Variants in DNAH9 observed in about 807,000 individuals in gnomAD.
DNAH9 encodes the protein DNAH9 variant protein.
DNAH9 carries 345 observed loss-of-function variants against 471.6 expected under a neutral mutation model. That is an observed-to-expected ratio of 0.73 (90% CI 0.67 to 0.80). The LOEUF (loss-of-function observed/expected upper bound fraction) is 0.80, where lower values mean the gene tolerates loss of function less well. Ranked by LOEUF, DNAH9 falls within the 30% of genes least tolerant of loss-of-function variation. The pLI, the probability that DNAH9 is intolerant of heterozygous loss-of-function variation, is 0.00. For synonymous variants in DNAH9, 2,093 were observed against 2,123.6 expected (o/e 0.99, Z 0.40); for missense variants, 5,407 against 5,609.2 (o/e 0.96, Z 1.15).
At chr17:11,771,060 G>A (rs1221604423) in intron 38 of DNAH9, among the ~76,000 whole-genome samples, 1 of 152,114 alleles carries the variant, frequency 6.6e-6, no homozygotes, top group Non-Finnish European at 1.5e-5. Flanking sequence ...AAAATGTGAT[G>A]AGTTTTGAAT....
chr17:11,929,184 A>G (rs1202810518), intron 62 of DNAH9, among the ~76,000 whole-genome samples: 3 of 151,800 alleles, frequency 2.0e-5, no homozygotes, highest in African/African-American at 4.8e-5. Flanking sequence ...ACAGGCGCCC[A>G]CCACCATGCC....
At chr17:11,716,800 A>G (rs183593154) in intron 26 of DNAH9, among the ~76,000 whole-genome samples, 171 of 152,280 alleles carry the variant, frequency 1.1e-3, no homozygotes, top group African/African-American at 3.8e-3. Context: ...AAAGGCAATG[A>G]GAGGGAAGGA....
At chr17:11,605,782 G>A (rs377250083) in intron 1 of DNAH9, among the ~76,000 whole-genome samples, 4 of 151,694 alleles carry the variant, frequency 2.6e-5, no homozygotes, top group African/African-American at 4.8e-5. Context: ...GGATACAGGC[G>A]TGAGCCACCG....
In DNAH9 at chr17:11,962,219, A is replaced by G. The variant is rs776695881; in HGVS notation, c.13196A>G (p.His4399Arg). The G allele has an allele frequency of 7.4e-6, 12 of 1,612,928 alleles. No homozygotes were observed. Among genetic ancestry groups the G allele is most frequent in the Admixed American group, 3.3e-5 (2 of 59,900 alleles). ...CCTCCTCGGGAAGGGGCCTACATCC[A>G]TGGCCTCTTCATGGAAGGTGCCTGC... ...RSPPREGAYI[H>R]GLFMEGACWD... is the part of the protein sequence containing the mutation. Residue 4399 changes from histidine to arginine, a missense_variant, in exon 68 of 69, where the codon CAT becomes CGT. Physicochemically the swap from His to Arg is conservative, Grantham distance 29. Coordinates refer to ENST00000262442, the MANE Select transcript of DNAH9 (RefSeq NM_001372.4). This position sits in a 1 kb window ranked among gnomAD's most constrained non-coding sequence, Gnocchi z 4.1.
chr17:11,705,283 C>A, intron 26 of DNAH9, 98 bp downstream of exon 26: 1 of 1,079,008 alleles, frequency 9.3e-7, no homozygotes, highest in South Asian at 1.4e-5. Flanking sequence ...TGCTATTTGT[C>A]CATAGAGCTA....
intron 10 of DNAH9, among the ~76,000 whole-genome samples, chr17:11,643,868 T>G (rs958328338): frequency 1.3e-5 from 2 of 152,226 alleles, no homozygotes; most frequent in African/African-American, 4.8e-5. Context: ...ATTGTAGCAC[T>G]ATACTAAGTG....
chr17:11,645,910 T>C (rs2073377436), intron 11 of DNAH9, among the ~76,000 whole-genome samples: 1 of 147,172 alleles, frequency 6.8e-6, no homozygotes, highest in African/African-American at 2.6e-5. Context: ...GACGGAGTCT[T>C]GCTCTGTCGC....
rs1968867981 is a variant in DNAH9, at chr17:11,786,337, TC to T, written c.8061+1799del. Among the ~76,000 whole-genome samples, 3 of 151,880 alleles carry T rather than the reference TC, an allele frequency of 2.0e-5. No homozygotes were observed. In the South Asian group the frequency reaches 6.2e-4, roughly 32 times the overall value. ...AGCTAGTCAATGACAGCGCCAATGG[TC>T]AGGGAGGTTAAAAAAAAAATTCTCG... On this transcript the variant is annotated intron_variant, in intron 41 of 68. Transcript: ENST00000262442.
chr17:11,809,920 C>T (rs931595215), intron 44 of DNAH9, among the ~76,000 whole-genome samples: 17 of 152,048 alleles, frequency 1.1e-4, no homozygotes, highest in Admixed American at 1.3e-4. Flanking sequence ...CCTCTTTGCA[C>T]AAAGCAGGAG....
chr17:11,834,588 C>A, intron 48 of DNAH9, 50 bp from the exon 49 acceptor site: 1 of 1,604,902 alleles, frequency 6.2e-7, no homozygotes, highest in Non-Finnish European at 8.5e-7. Flanking sequence ...CCAGTGCCCA[C>A]AGTCCCTCCA....
Position 11,807,989 on chromosome 17 carries a change from G to A in DNAH9, c.8583+95G>A. ...CACTCGTTCTCCAGTTCCCCTGTCT[G>A]GAGCCTCCCCTTCAATGTCTGTCCA... is the stretch of plus-strand genomic sequence containing the variant. On this transcript the variant is annotated intron_variant, in intron 44 of 68. Coordinates refer to ENST00000262442, the MANE Select transcript of DNAH9 (RefSeq NM_001372.4). The A allele has an allele frequency of 6.5e-6, 9 of 1,375,186 alleles. 1 individual carries two copies. In the South Asian group the frequency reaches 1.2e-4, roughly 18 times the overall value. The allele number at this position is 1,375,186 out of a possible 1,614,324, so 85.2% of individuals were successfully genotyped here. A position where few individuals can be genotyped will look rare whatever the true frequency, so the allele number is the denominator to read the frequency against.
chr17:11,951,655 T>C (rs1371518435), intron 67 of DNAH9, among the ~76,000 whole-genome samples: 1 of 152,128 alleles, frequency 6.6e-6, no homozygotes, highest in Non-Finnish European at 1.5e-5. Flanking sequence ...CCGGGTGTGG[T>C]GGCTCACACC....
chr17:11,889,661 A>G (rs751679521), intron 57 of DNAH9, among the ~76,000 whole-genome samples: 2 of 152,264 alleles, frequency 1.3e-5, no homozygotes, highest in Non-Finnish European at 2.9e-5. Context: ...CCATCCAACA[A>G]ATATTTTTTA....
chr17:11,742,037 T>G (rs2075440216), intron 29 of DNAH9, 138 bp from the exon 30 acceptor site: 1 of 691,418 alleles, frequency 1.4e-6, no homozygotes, highest in Non-Finnish European at 2.5e-6. Context: ...GATGAAATAA[T>G]GGCTCAGGTC....
intron 51 of DNAH9, among the ~76,000 whole-genome samples, chr17:11,871,254 T>C (rs1390320955): frequency 6.6e-6 from 1 of 152,232 alleles, no homozygotes; most frequent in Non-Finnish European, 1.5e-5. Flanking sequence ...TCTAACATGT[T>C]CCACAGACCA....
chr17:11,750,300 A>G (rs1175987378), intron 32 of DNAH9, among the ~76,000 whole-genome samples: 1 of 152,154 alleles, frequency 6.6e-6, no homozygotes, highest in Non-Finnish European at 1.5e-5. Flanking sequence ...GATAACTTTA[A>G]AAGAATACAA....
chr17:11,954,909 C>G (rs1413350204), intron 67 of DNAH9, among the ~76,000 whole-genome samples: 5 of 151,958 alleles, frequency 3.3e-5, no homozygotes, highest in Non-Finnish European at 5.9e-5. Context: ...CATTTTTACT[C>G]ATCCAAAATC....
chr17:11,904,037 C>T (rs996101091), intron 60 of DNAH9, among the ~76,000 whole-genome samples: 1 of 152,140 alleles, frequency 6.6e-6, no homozygotes, highest in Non-Finnish European at 1.5e-5. Flanking sequence ...GGATAAAAGG[C>T]TTGGGTCAAA....
chr17:11,833,277 G>T (rs1362665534), intron 48 of DNAH9, among the ~76,000 whole-genome samples: 1 of 152,308 alleles, frequency 6.6e-6, no homozygotes, highest in East Asian at 1.9e-4. Flanking sequence ...GATTCTTACT[G>T]TTCAACTTTA....
Sources: allele counts gnomAD v4.1 joint callset (sites outside exome capture counted in the v4.1 genomes callset), GRCh38; gene constraint gnomAD v4.1.1; non-coding constraint Gnocchi (gnomAD v3.1); transcripts MANE v1.5; gene names NCBI Gene and HGNC (gene_info 2026-07-23, HGNC 2026-07-21).